ZFPM1: variants seen among roughly 807,000 people sequenced by gnomAD.
ZFPM1 encodes zinc finger protein ZFPM1.
A neutral mutation model predicts 46.3 loss-of-function variants in ZFPM1; 28 were observed. That is an observed-to-expected ratio of 0.60 (90% CI 0.45 to 0.83). ZFPM1 has a LOEUF of 0.83. ZFPM1 is among the 40% of genes least tolerant of loss of function. ZFPM1 has a pLI of 0.00. For synonymous variants in ZFPM1, 957 were observed against 675.9 expected (o/e 1.42, Z -6.45); for missense variants, 1,878 against 1,432.4 (o/e 1.31, Z -5.02).
chr16:88,520,290 A>G (rs551770747), intron 4 of ZFPM1, among the ~76,000 whole-genome samples: 60 of 144,522 alleles, frequency 4.2e-4, no homozygotes, highest in African/African-American at 1.5e-3. Context: ...ATAGATAGGT[A>G]GGTGGATGGA....
intron 4 of ZFPM1, among the ~76,000 whole-genome samples, chr16:88,526,574 AG>A (rs1912341362): frequency 1.3e-5 from 2 of 152,164 alleles, no homozygotes; most frequent in Admixed American, 1.3e-4. Flanking sequence ...CAACCCTGGA[AG>A]GTACTACTCC....
At chr16:88,477,275 C>A (rs1244621253) in intron 1 of ZFPM1, among the ~76,000 whole-genome samples, 1 of 152,240 alleles carries the variant, frequency 6.6e-6, no homozygotes, top group Non-Finnish European at 1.5e-5. Context: ...CGGAGAAGGG[C>A]ACGGGGAAGG....
At chr16:88,510,664 C>A (rs1910905976) in intron 3 of ZFPM1, among the ~76,000 whole-genome samples, 1 of 152,124 alleles carries the variant, frequency 6.6e-6, no homozygotes, top group South Asian at 2.1e-4. Context: ...GTCCCGCCCC[C>A]TCCTCAGGAG....
intron 4 of ZFPM1, among the ~76,000 whole-genome samples, chr16:88,517,967 T>C (rs112818000): frequency 0.077 from 11,603 of 151,236 alleles, 941 homozygotes; most frequent in African/African-American, 0.21. Flanking sequence ...TCCCAGCACT[T>C]TGGGAGGCCG....
At chr16:88,464,387 G>A (rs957635337) in intron 1 of ZFPM1, among the ~76,000 whole-genome samples, 1 of 152,232 alleles carries the variant, frequency 6.6e-6, no homozygotes, top group Non-Finnish European at 1.5e-5. Context: ...AAGTCCCAAG[G>A]CAGGAGGACG....
chr16:88,505,205 CGCCAGGCCCAGGCTTGGCCAA>C (rs1910583312), intron 3 of ZFPM1, among the ~76,000 whole-genome samples: 1 of 152,216 alleles, frequency 6.6e-6, no homozygotes. Flanking sequence ...CTACAGTGGA[CGCCAGGCCCAGGCTTGGCCAA>C]GCCAAGCCAT....
chr16:88,532,921 C>G lies in ZFPM1; in HGVS notation c.1175C>G (p.Thr392Ser). The change falls in exon 9 of 10, where the codon ACC (threonine) becomes AGC (serine). Residue 392 changes from threonine (T) to serine (S), a missense_variant. Thr to Ser is a moderately conservative substitution (Grantham distance 58, BLOSUM62 1). Transcript: ENST00000319555. Reference protein sequence around the residue: ...IYSPGAGHPATKLPPDSLGSF... With the variant: ...IYSPGAGHPASKLPPDSLGSF... ...TCGCCAGGGGCCGGACACCCAGCAA[C>G]CAAGCTGCCCCCAGGTGAGCAGCCC... 2 of 1,613,072 alleles carry G rather than the reference C, an allele frequency of 1.2e-6. No individual in the cohort carries two copies. The highest frequency in any genetic ancestry group is 1.7e-6 in the Non-Finnish European group (2 of 1,179,966).
intron 3 of ZFPM1, among the ~76,000 whole-genome samples, chr16:88,500,126 G>T (rs964877151): frequency 6.8e-6 from 1 of 146,018 alleles, no homozygotes; most frequent in East Asian, 2.2e-4. Context: ...TTCCTGCCCC[G>T]GCCATCCCCC....
intron 3 of ZFPM1, among the ~76,000 whole-genome samples, chr16:88,489,708 C>T (rs1909449212): frequency 6.6e-6 from 1 of 152,224 alleles, no homozygotes; most frequent in Non-Finnish European, 1.5e-5. Context: ...TGACTCTGCT[C>T]CGTGATTTGC....
intron 6 of ZFPM1, among the ~76,000 whole-genome samples, chr16:88,529,370 A>G (rs990762008): frequency 1.3e-5 from 2 of 152,208 alleles, no homozygotes; most frequent in African/African-American, 4.8e-5. Flanking sequence ...CTTTGTGAGC[A>G]AGTCGGATGT....
intron 3 of ZFPM1, among the ~76,000 whole-genome samples, chr16:88,493,798 G>A (rs62048975): frequency 0.17 from 26,559 of 152,134 alleles, 2,659 homozygotes; most frequent in East Asian, 0.28. Context: ...TGGTCCCAGA[G>A]CCCTAAAAAG....
At chr16:88,521,274 G>C (rs1249579861) in intron 4 of ZFPM1, among the ~76,000 whole-genome samples, 1 of 149,918 alleles carries the variant, frequency 6.7e-6, no homozygotes, top group Non-Finnish European at 1.5e-5. Flanking sequence ...GAAAACTAAA[G>C]GGAGAGTGGC....
chr16:88,492,934 G>A (rs1236026376), intron 3 of ZFPM1, among the ~76,000 whole-genome samples: 7 of 152,228 alleles, frequency 4.6e-5, no homozygotes, highest in South Asian at 2.1e-4. Flanking sequence ...GAGCTGTCCC[G>A]GGGAGCAGAG....
At chr16:88,461,041 A>AGGGGT (rs1907825176) in intron 1 of ZFPM1, among the ~76,000 whole-genome samples, 2 of 75,318 alleles carry the variant, frequency 2.7e-5, no homozygotes, top group South Asian at 5.1e-4. Flanking sequence ...GTGAGGACCG[A>AGGGGT]GGGGCGGGAG....
In ZFPM1 at chr16:88,486,057, A is replaced by C. The variant is rs919718456; in HGVS notation, c.145+14A>C. The C allele has an allele frequency of 6.2e-7, 1 of 1,607,888 alleles. No individual in the cohort carries two copies. The highest frequency in any genetic ancestry group is 1.3e-5 in the African/African-American group (1 of 74,870). ...CTCCCAGCGCAGGTGAGTCAGACTG[A>C]GCCCTCTCACCGCGCCTCCAGCCGG... is the stretch of plus-strand genomic sequence containing the variant. On this transcript the variant is annotated intron_variant, in intron 2 of 9. Coordinates refer to ENST00000319555, the MANE Select transcript of ZFPM1 (RefSeq NM_153813.3).
intron 9 of ZFPM1, 71 bp downstream of exon 9, chr16:88,533,006 G>A (rs1597290297): frequency 1.9e-6 from 3 of 1,584,534 alleles, no homozygotes; most frequent in East Asian, 2.3e-5. Context: ...TGGGCTTGTC[G>A]CCCAAGACAG....
chr16:88,530,191 C>G (rs1361260655), intron 6 of ZFPM1, among the ~76,000 whole-genome samples: 1 of 152,188 alleles, frequency 6.6e-6, no homozygotes, highest in African/African-American at 2.4e-5. Context: ...GGGGAACACC[C>G]CGCTGATAAC....
intron 1 of ZFPM1, among the ~76,000 whole-genome samples, chr16:88,483,624 G>T (rs990639965): frequency 6.6e-6 from 1 of 152,114 alleles, no homozygotes; most frequent in Non-Finnish European, 1.5e-5. Context: ...ATTGTTTTCG[G>T]CCGGGGCCCA....
chr16:88,456,268 T>C (rs750887047), intron 1 of ZFPM1, among the ~76,000 whole-genome samples: 17 of 152,186 alleles, frequency 1.1e-4, no homozygotes, highest in Non-Finnish European at 1.8e-4. Flanking sequence ...TCCTCGTAGA[T>C]GGTGCGAGAC....
Sources: allele counts gnomAD v4.1 joint callset (sites outside exome capture counted in the v4.1 genomes callset), GRCh38; gene constraint gnomAD v4.1.1; transcripts MANE v1.5; gene names NCBI Gene and HGNC (gene_info 2026-07-23, HGNC 2026-07-21).